SMG9: variants seen among roughly 807,000 people sequenced by gnomAD.
SMG9 encodes the protein SMG9 nonsense mediated mRNA decay factor.
Under a neutral mutation model 64.0 loss-of-function variants are expected in SMG9, and 55 were observed. That is an observed-to-expected ratio of 0.86 (90% CI 0.69 to 1.08). SMG9 has a LOEUF of 1.08. Among genes scored for constraint, SMG9 ranks in the 50% least tolerant of loss-of-function variants. SMG9 has a pLI of 0.00. For missense variants in SMG9, 554 were observed against 681.3 expected (o/e 0.81, Z 2.08); for synonymous variants, 244 against 254.8 (o/e 0.96, Z 0.41).
chr19:43,750,503 T>A, intron 2 of SMG9, 89 bp downstream of exon 2: 1 of 1,448,406 alleles, frequency 6.9e-7, no homozygotes, highest in Admixed American at 2.2e-5. Context: ...TACAAATATA[T>A]CCCCGGCATC....
At chr19:43,746,470 T>C (rs1195598336) in intron 5 of SMG9, among the ~76,000 whole-genome samples, 1 of 152,202 alleles carries the variant, frequency 6.6e-6, no homozygotes, top group African/African-American at 2.4e-5. Flanking sequence ...TTTGGTTTTT[T>C]GTTGTTGTTC....
intron 9 of SMG9, 41 bp from the exon 10 acceptor site, chr19:43,734,536 A>T: frequency 7.1e-7 from 1 of 1,411,512 alleles, no homozygotes. Context: ...TTGCACTTGC[A>T]CCCCAGGTCC....
intron 10 of SMG9, 91 bp downstream of exon 10, chr19:43,734,298 C>T (rs1968580369): frequency 2.9e-6 from 3 of 1,044,092 alleles, no homozygotes; most frequent in African/African-American, 3.2e-5. Flanking sequence ...CCACTCCTTC[C>T]TCTCTCTCCC....
At chr19:43,732,634 A>T (rs1968518986) in intron 13 of SMG9, 1 of 581,082 alleles carries the variant, frequency 1.7e-6, no homozygotes, top group African/African-American at 1.9e-5. Flanking sequence ...ACAAGGACCT[A>T]CATGATGCTG....
intron 7 of SMG9, among the ~76,000 whole-genome samples, chr19:43,738,775 G>A (rs890366490): frequency 7.2e-5 from 11 of 152,198 alleles, no homozygotes; most frequent in Admixed American, 1.3e-4. Context: ...AACTGCTCGC[G>A]TTCTCAAACT....
In SMG9 at chr19:43,728,044, A is replaced by T. The variant is rs1427995409; in HGVS notation, c.*3552T>A. The T allele has an allele frequency of 6.6e-6, 1 of 152,202 alleles. No homozygotes were observed. The highest frequency in any genetic ancestry group is 1.5e-5 in the Non-Finnish European group (1 of 68,036). The allele number at this position is 152,202 out of a possible 1,614,324, so 9.4% of individuals were successfully genotyped here. ...CAAAGTTAGAGGATTGCAAAATGCT[A>T]TGTGCCCAATGCAGACCTGGCACCT... is the stretch of plus-strand genomic sequence containing the variant. On this transcript the variant is annotated 3_prime_UTR_variant, in exon 14 of 14. Transcript: ENST00000270066.
In SMG9 at chr19:43,731,022, C is replaced by T. The variant is rs1968465129; in HGVS notation, c.*574G>A. The T allele has an allele frequency of 1.1e-5, 8 of 725,142 alleles. No individual in the cohort carries two copies. The highest frequency in any genetic ancestry group is 1.4e-5 in the Non-Finnish European group (8 of 592,342). 44.9% of individuals were successfully genotyped at this position (725,142 alleles called of 1,614,324 possible). ...GGAGGCTTGATGCCACCCCAGGAAA[C>T]AGAATAACCCCTTCTAGGGACTTCT... On this transcript the variant is annotated 3_prime_UTR_variant, in exon 14 of 14. Transcript: ENST00000270066.
Position 43,738,209 on chromosome 19 carries a change from C to A in SMG9, c.822G>T (p.Leu274=). 2 of 1,613,992 alleles carry A rather than the reference C, an allele frequency of 1.2e-6. No homozygotes were observed. Reference sequence around the variant, plus strand: ...TGAGATGGTCTAGGATAGAAGGGCTCAGGATGGGCTGCAGCAAGGAAGAGA... The same window carrying A: ...TGAGATGGTCTAGGATAGAAGGGCTAAGGATGGGCTGCAGCAAGGAAGAGA... The part of the protein sequence containing the change: ...RIVFLDTQPI[L]SPSILDHLIN... The change falls in exon 8 of 14, where the codon CTG becomes CTT. Residue 274 remains leucine (L), a synonymous_variant. Coordinates refer to ENST00000270066, the MANE Select transcript of SMG9 (RefSeq NM_019108.4).
In SMG9 at chr19:43,729,129, T is replaced by G; in HGVS notation, c.*2467A>C. The G allele has an allele frequency of 1.4e-6, 1 of 731,286 alleles. No individual in the cohort carries two copies. The highest frequency in any genetic ancestry group is 6.2e-5 in the South Asian group (1 of 16,226). 45.3% of individuals were successfully genotyped at this position (731,286 alleles called of 1,614,324 possible). Reference sequence around the variant, plus strand: ...GGCTACTGCCAGTTTGACTCCTCTGTCAAACTGCCTCAACGAGCCAGCCCC... The same window carrying G: ...GGCTACTGCCAGTTTGACTCCTCTGGCAAACTGCCTCAACGAGCCAGCCCC... On this transcript the variant is annotated 3_prime_UTR_variant, in exon 14 of 14. Coordinates refer to ENST00000270066, the MANE Select transcript of SMG9 (RefSeq NM_019108.4).
intron 2 of SMG9, chr19:43,748,655 A>C (rs1292189965): frequency 1.9e-6 from 1 of 519,976 alleles, no homozygotes; most frequent in Non-Finnish European, 3.8e-6. Flanking sequence ...CCAAGCCTTG[A>C]CCTCTTCATG....
intron 7 of SMG9, among the ~76,000 whole-genome samples, chr19:43,738,786 CCAAA>C (rs1309132227): frequency 6.6e-6 from 1 of 152,242 alleles, no homozygotes; most frequent in Non-Finnish European, 1.5e-5. Flanking sequence ...TTCTCAAACT[CCAAA>C]CATTGAGCAG....
rs764359945 is a variant in SMG9, at chr19:43,740,169, T to C, written c.751A>G (p.Asn251Asp). Residue 251 changes from asparagine (N) to aspartate (D), a missense_variant, in exon 7 of 14, where the codon AAC (asparagine) becomes GAC (aspartate). Physicochemically the swap from Asn to Asp is conservative, Grantham distance 23. Coordinates refer to ENST00000270066, the MANE Select transcript of SMG9 (RefSeq NM_019108.4). ...QSAEMKERGGNQTSGIDFFIT... is the reference protein window; with the variant it reads ...QSAEMKERGGDQTSGIDFFIT... ...AAGAAGTCGATGCCACTGGTCTGGT[T>C]GCCCCCTCGTTCCTTCATTTCAGCG... The C allele has an allele frequency of 3.7e-6, 6 of 1,614,054 alleles. No individual in the cohort carries two copies. The East Asian group carries it at 1.3e-4, about 36-fold the overall frequency.
intron 5 of SMG9, among the ~76,000 whole-genome samples, chr19:43,745,580 C>T (rs1420623868): frequency 6.6e-6 from 1 of 152,150 alleles, no homozygotes; most frequent in Non-Finnish European, 1.5e-5. Context: ...AAAGCGAATC[C>T]TATAGGCCAG....
At chr19:43,734,670 A>G in intron 9 of SMG9, 175 bp from the exon 10 acceptor site, 1 of 540,868 alleles carries the variant, frequency 1.8e-6, no homozygotes. Flanking sequence ...CCTCTCAGAT[A>G]CCAACCCATG....
At chr19:43,741,112 G>A (rs534078554) in intron 6 of SMG9, among the ~76,000 whole-genome samples, 2 of 152,194 alleles carry the variant, frequency 1.3e-5, no homozygotes, top group East Asian at 1.9e-4. Context: ...AGACTAAGTC[G>A]GCTTCTGTGA....
At chr19:43,752,880 G>A (rs1195609436) in intron 1 of SMG9, among the ~76,000 whole-genome samples, 1 of 107,576 alleles carries the variant, frequency 9.3e-6, no homozygotes, top group African/African-American at 4.1e-5. Context: ...CTCTAGCCTG[G>A]GTAACAAAGC....
rs769432164 is a variant in SMG9 at position 43,747,770 on chromosome 19, G to A, written c.353C>T (p.Thr118Ile). Reference sequence around the variant, plus strand: ...GGGTGGTGGGGCGGTGCCCTCAGGGGTAGAGGCACCTGTCACGGCCACAGG... The same window carrying A: ...GGGTGGTGGGGCGGTGCCCTCAGGGATAGAGGCACCTGTCACGGCCACAGG... ...KGPVAVTGASTPEGTAPPPPA... is the reference protein window; with the variant it reads ...KGPVAVTGASIPEGTAPPPPA... Residue 118 changes from threonine to isoleucine, a missense_variant, in exon 4 of 14, where the codon ACC (threonine) becomes ATC (isoleucine). Thr to Ile is a moderately conservative substitution (Grantham distance 89). Coordinates refer to ENST00000270066, the MANE Select transcript of SMG9 (RefSeq NM_019108.4). 1.2e-6 allele frequency: 2 copies of A among 1,608,656 alleles called. No homozygotes were observed. Among genetic ancestry groups the A allele is most frequent in the South Asian group, 2.2e-5 (2 of 90,442 alleles).
Position 43,729,030 on chromosome 19 carries a change from G to C in SMG9, c.*2566C>G, listed in dbSNP as rs777452372. 3.0e-6 allele frequency: 3 copies of C among 985,540 alleles called. No homozygotes were observed. In the African/African-American group the frequency reaches 5.2e-5, roughly 17 times the overall value. 61.0% of individuals were successfully genotyped at this position (985,540 alleles called of 1,614,324 possible). ...TGGTGTCCACAGTGGCCTGCTGGCA[G>C]CATCAGCCTGAGTCCTCTGCTGGAT... On this transcript the variant is annotated 3_prime_UTR_variant, in exon 14 of 14. Coordinates refer to ENST00000270066, the MANE Select transcript of SMG9 (RefSeq NM_019108.4).
At position 43,747,779 on chromosome 19, in the gene SMG9, C is replaced by A; in HGVS notation, c.344G>T (p.Gly115Val). Residue 115 changes from glycine (G) to valine (V), a missense_variant, in exon 4 of 14, where the codon GGT becomes GTT. Gly to Val is a moderately radical substitution (Grantham distance 109, BLOSUM62 -3). Coordinates refer to ENST00000270066, the MANE Select transcript of SMG9 (RefSeq NM_019108.4). ...EEGKGPVAVT[G>V]ASTPEGTAPP... ...GGCGGTGCCCTCAGGGGTAGAGGCA[C>A]CTGTCACGGCCACAGGCCCCTTCCC... 6.2e-7 allele frequency: 1 copy of A among 1,607,332 alleles called. No homozygotes were observed. Among genetic ancestry groups the A allele is most frequent in the Non-Finnish European group, 8.5e-7 (1 of 1,177,052 alleles).
Sources: gnomAD v4.1 joint callset for allele counts (sites outside exome capture counted in the v4.1 genomes callset) on GRCh38, gnomAD v4.1.1 for gene constraint, MANE v1.5 for transcripts, NCBI Gene and HGNC (gene_info 2026-07-23, HGNC 2026-07-21) for gene names.